Variants in SPATA6 observed in about 807,000 individuals in gnomAD.
SPATA6 encodes spermatogenesis associated 6, also known as spermatogenesis-associated protein 6.
SPATA6 carries 56 observed loss-of-function variants against 65.3 expected under a neutral mutation model. That is an observed-to-expected ratio of 0.86 (90% CI 0.69 to 1.07). The LOEUF is 1.07. SPATA6 is among the 50% of genes least tolerant of loss of function. SPATA6 has a pLI of 0.00. For synonymous variants in SPATA6, 199 were observed against 213.2 expected, an observed-to-expected ratio of 0.93 and a Z score of 0.58; for missense variants, 590 against 594.8, an observed-to-expected ratio of 0.99 and a Z score of 0.08.
At chr1:48,426,850 A>C (rs1653882311) in intron 3 of SPATA6, among the ~76,000 whole-genome samples, 1 of 152,158 alleles carries the variant, frequency 6.6e-6, no homozygotes. Context: ...GAACTACATT[A>C]ATCAAAATTA....
intron 9 of SPATA6, among the ~76,000 whole-genome samples, chr1:48,369,440 T>C (rs1269476568): frequency 6.6e-6 from 1 of 152,244 alleles, no homozygotes; most frequent in East Asian, 1.9e-4. Context: ...CAGTTCGAGC[T>C]TCCTGGCTCC....
At position 48,472,017 on chromosome 1, in the gene SPATA6, G is replaced by T; in HGVS notation, c.-9C>A. On this transcript the variant is annotated 5_prime_UTR_variant, in exon 1 of 13. Transcript: ENST00000371847. ...GCCTTCACCTTCGGCATCCGTGCGG[G>T]GAGGGGCGGCGGGGAGTGACCCCGG... 6.4e-7 allele frequency: 1 copy of T among 1,554,338 alleles called. No homozygotes were observed.
intron 9 of SPATA6, among the ~76,000 whole-genome samples, chr1:48,368,205 CTT>C (rs1647097120): frequency 6.6e-6 from 1 of 152,146 alleles, no homozygotes; most frequent in Admixed American, 6.6e-5. Context: ...GTAACCCGAC[CTT>C]TCTCTCTGGG....
chr1:48,447,133 A>C (rs1203345969), intron 3 of SPATA6, among the ~76,000 whole-genome samples: 1 of 152,186 alleles, frequency 6.6e-6, no homozygotes, highest in African/African-American at 2.4e-5. Context: ...AGTATATAAT[A>C]TAACAAAAAA....
At chr1:48,371,270 TATAGATAGATAG>T (rs59198017) in intron 9 of SPATA6, among the ~76,000 whole-genome samples, 4,103 of 131,700 alleles carry the variant, frequency 0.031, 201 homozygotes, top group African/African-American at 0.095. Context: ...TATGTATCTA[TATAGATAGATAG>T]ATAGATAGAT....
At chr1:48,415,198 G>T (rs1570499528) in intron 3 of SPATA6, among the ~76,000 whole-genome samples, 1 of 152,218 alleles carries the variant, frequency 6.6e-6, no homozygotes, top group African/African-American at 2.4e-5. Flanking sequence ...ATTAGTCTTG[G>T]CTACAAGTAT....
rs144752559 is a variant in SPATA6, at chr1:48,399,420, C to T, written c.711G>A (p.Leu237=). 6 of 1,612,984 alleles carry T rather than the reference C, an allele frequency of 3.7e-6. No homozygotes were observed. In the African/African-American group the frequency reaches 6.7e-5, roughly 18 times the overall value. The change falls in exon 7 of 13, where the codon CTG becomes CTA. Residue 237 remains leucine, a synonymous_variant. Transcript: ENST00000371847. ...CELSEDTRRR[L]AHLNLGPYEF... ...CATAGGGTCCCAGATTTAAATGGGC[C>T]AGCCGCCGCCTGGTGTCTTCAGATA...
At chr1:48,370,451 C>T (rs1351181039) in intron 9 of SPATA6, among the ~76,000 whole-genome samples, 1 of 152,206 alleles carries the variant, frequency 6.6e-6, no homozygotes, top group Non-Finnish European at 1.5e-5. Flanking sequence ...GTGAATCTTA[C>T]ATCAAGTAAA....
chr1:48,442,749 T>C (rs1025529664), intron 3 of SPATA6, among the ~76,000 whole-genome samples: 2 of 115,532 alleles, frequency 1.7e-5, no homozygotes, highest in Non-Finnish European at 3.5e-5. Flanking sequence ...AAAAAAACAG[T>C]GTACCCTATT....
intron 2 of SPATA6, among the ~76,000 whole-genome samples, chr1:48,452,003 C>T (rs974203060): frequency 1.3e-5 from 2 of 152,130 alleles, no homozygotes; most frequent in African/African-American, 4.8e-5. Context: ...CTCTGACCAC[C>T]TTTTAAAATA....
At position 48,368,361 on chromosome 1, in the gene SPATA6, T is replaced by G. The variant is rs574037737; in HGVS notation, c.910-8591A>C. ...TGGTCTGCCTTGCTAGATTGGGGAA[T>G]TTCTCCTGGATAATATCCTGCAGAG... On this transcript the variant is annotated intron_variant, in intron 9 of 12. Transcript: ENST00000371847. 5.3e-5 allele frequency among the ~76,000 whole-genome samples: 8 copies of G among 152,296 alleles called. No homozygotes were observed. The South Asian group carries it at 1.4e-3, about 28-fold the overall frequency.
intron 3 of SPATA6, among the ~76,000 whole-genome samples, chr1:48,439,402 T>A (rs1282630132): frequency 6.6e-6 from 1 of 151,384 alleles, no homozygotes; most frequent in African/African-American, 2.4e-5. Context: ...GCAAGAGGGG[T>A]TTCTGCTGCT....
chr1:48,382,630 C>CT (rs1648830104), intron 9 of SPATA6, among the ~76,000 whole-genome samples: 3 of 2,336 alleles, frequency 1.3e-3, no homozygotes, highest in Admixed American at 6.7e-3. Context: ...GGCTGGCCGA[C>CT]CCCCCCCCCC....
At chr1:48,378,435 C>A (rs1179848804) in intron 9 of SPATA6, among the ~76,000 whole-genome samples, 11 of 152,080 alleles carry the variant, frequency 7.2e-5, no homozygotes, top group African/African-American at 2.7e-4. Context: ...TTGTATTTAG[C>A]TAAGTGTATT....
chr1:48,451,531 T>A, intron 3 of SPATA6, 21 bp downstream of exon 3: 5 of 1,597,360 alleles, frequency 3.1e-6, no homozygotes, highest in Non-Finnish European at 4.3e-6. Context: ...GAATCAGGAA[T>A]TAAAAAGTTA....
chr1:48,363,949 C>T (rs1444783987), intron 9 of SPATA6, among the ~76,000 whole-genome samples: 1 of 152,188 alleles, frequency 6.6e-6, no homozygotes, highest in East Asian at 1.9e-4. Context: ...TATCCCTCCC[C>T]CCTTCCCCCA....
intron 11 of SPATA6, among the ~76,000 whole-genome samples, chr1:48,348,343 GT>G (rs1173455987): frequency 6.6e-6 from 1 of 151,850 alleles, no homozygotes; most frequent in South Asian, 2.1e-4. Flanking sequence ...GTTATTCATT[GT>G]TTCATTTACA....
chr1:48,388,984 C>T (rs777866996), intron 8 of SPATA6, among the ~76,000 whole-genome samples: 2 of 152,174 alleles, frequency 1.3e-5, no homozygotes, highest in South Asian at 2.1e-4. Context: ...CTCCTGGGTT[C>T]AAGCAGCTCT....
At chr1:48,354,879 GTTAC>G (rs929236327) in intron 11 of SPATA6, among the ~76,000 whole-genome samples, 26 of 151,990 alleles carry the variant, frequency 1.7e-4, no homozygotes, top group Admixed American at 4.6e-4. Flanking sequence ...TTCTCAAGCT[GTTAC>G]TTATTATTTG....
Sources: allele counts gnomAD v4.1 joint callset (sites outside exome capture counted in the v4.1 genomes callset), GRCh38; gene constraint gnomAD v4.1.1; transcripts MANE v1.5; gene names NCBI Gene and HGNC (gene_info 2026-07-23, HGNC 2026-07-21).